TMED3: variants seen among roughly 807,000 people sequenced by gnomAD.
TMED3 encodes the protein transmembrane p24 trafficking protein 3.
Under a neutral mutation model 15.0 loss-of-function variants are expected in TMED3, and 9 were observed. The ratio of observed to expected loss-of-function variants is 0.60; its 90% CI spans 0.36 to 1.04. The LOEUF (loss-of-function observed/expected upper bound fraction) is 1.04. TMED3 is among the 50% of genes least tolerant of loss of function. The pLI is 0.01. For missense variants in TMED3, 267 were observed against 278.9 expected (o/e 0.96, Z 0.30); for synonymous variants, 117 against 121.4 (o/e 0.96, Z 0.24).
chr15:79,337,562 A>T (rs1262672553), intron 2 of TMED3, among the ~76,000 whole-genome samples: 2 of 152,228 alleles, frequency 1.3e-5, no homozygotes, highest in Non-Finnish European at 2.9e-5. Context: ...AAAAAATTAA[A>T]TTATATTCTA....
intron 2 of TMED3, among the ~76,000 whole-genome samples, chr15:79,361,343 A>G (rs1451650370): frequency 6.6e-6 from 1 of 152,250 alleles, no homozygotes; most frequent in Non-Finnish European, 1.5e-5. Flanking sequence ...AACTCAGGTA[A>G]AAGAATTTTA....
At chr15:79,364,649 T>A (rs916798872) in intron 2 of TMED3, among the ~76,000 whole-genome samples, 1 of 151,602 alleles carries the variant, frequency 6.6e-6, no homozygotes, top group South Asian at 2.1e-4. Flanking sequence ...AACACGCAGA[T>A]GAATGGTGGA....
At chr15:79,396,837 A>G (rs1893768898) in intron 2 of TMED3, among the ~76,000 whole-genome samples, 1 of 152,254 alleles carries the variant, frequency 6.6e-6, no homozygotes, top group East Asian at 1.9e-4. Flanking sequence ...TTTATTCTTA[A>G]CTTTTAAATT....
chr15:79,378,357 A>C (rs1297218385), intron 2 of TMED3, among the ~76,000 whole-genome samples: 2 of 152,220 alleles, frequency 1.3e-5, no homozygotes, highest in African/African-American at 4.8e-5. Flanking sequence ...CCCATTTTCC[A>C]GTCTTAGGTG....
chr15:79,325,196 AT>A (rs2058783071), downstream of TMED3, among the ~76,000 whole-genome samples: 1 of 152,200 alleles, frequency 6.6e-6, no homozygotes, highest in Non-Finnish European at 1.5e-5. Flanking sequence ...GGCTTGCTCC[AT>A]ACCATAGATT....
intron 2 of TMED3, among the ~76,000 whole-genome samples, chr15:79,381,228 T>C (rs1003140683): frequency 6.6e-6 from 1 of 152,104 alleles, no homozygotes; most frequent in African/African-American, 2.4e-5. Flanking sequence ...CCTCTAGTTG[T>C]TGGTGGGCTC....
chr15:79,410,002 G>C (rs1893952269), intron 2 of TMED3, among the ~76,000 whole-genome samples: 3 of 151,990 alleles, frequency 2.0e-5, no homozygotes. Flanking sequence ...TTAGATAAGA[G>C]GTATACTAGA....
chr15:79,411,606 C>G, exon 3 of TMED3: 2 of 661,120 alleles, frequency 3.0e-6, no homozygotes, highest in South Asian at 3.2e-5. Flanking sequence ...TGCACTGGGA[C>G]TAGCTCCTGG....
intron 2 of TMED3, among the ~76,000 whole-genome samples, chr15:79,315,489 A>G (rs1596048881): frequency 6.6e-6 from 1 of 152,174 alleles, no homozygotes; most frequent in African/African-American, 2.4e-5. Flanking sequence ...CACTGTTGAG[A>G]CAGCCTCTAT....
chr15:79,372,992 T>C (rs566906488), intron 2 of TMED3, among the ~76,000 whole-genome samples: 85 of 152,338 alleles, frequency 5.6e-4, no homozygotes, highest in African/African-American at 1.9e-3. Flanking sequence ...TTTTGATTTA[T>C]CTGTATGGGA....
intron 2 of TMED3, among the ~76,000 whole-genome samples, chr15:79,363,523 T>C (rs1222052834): frequency 1.1e-5 from 1 of 92,264 alleles, no homozygotes; most frequent in African/African-American, 3.4e-5. Context: ...AAAAAAAAAA[T>C]CTCCAAGTGA....
At chr15:79,311,500 C>A in intron 1 of TMED3, 83 bp downstream of exon 1, 2 of 1,463,954 alleles carry the variant, frequency 1.4e-6, no homozygotes, top group Non-Finnish European at 1.8e-6. Flanking sequence ...TGACTGGAGG[C>A]GCTCGAATTA....
At chr15:79,361,872 G>T (rs75830635) in intron 2 of TMED3, among the ~76,000 whole-genome samples, 5,550 of 152,082 alleles carry the variant, frequency 0.036, 145 homozygotes, top group Admixed American at 0.084. Flanking sequence ...TAAAATAAAT[G>T]TAGAAAATTA....
At chr15:79,398,451 C>T (rs998655894) in intron 2 of TMED3, among the ~76,000 whole-genome samples, 10 of 152,096 alleles carry the variant, frequency 6.6e-5, no homozygotes, top group African/African-American at 2.4e-4. Context: ...CTGCTGCCTA[C>T]AAGTTGGAGA....
chr15:79,321,924 AT>A, intron 2 of TMED3, 53 bp from the exon 3 acceptor site: 1 of 1,583,498 alleles, frequency 6.3e-7, no homozygotes, highest in Non-Finnish European at 8.6e-7. Flanking sequence ...TGTTTGCTGG[AT>A]CCCACATTTG....
At chr15:79,380,371 G>GTTATACACATATATATATAGAGAGAC (rs1893501353) in intron 2 of TMED3, among the ~76,000 whole-genome samples, 1 of 148,442 alleles carries the variant, frequency 6.7e-6, no homozygotes. Context: ...TATAGAGAGA[G>GTTATACACATATATATATAGAGAGAC]TTATACACAT....
chr15:79,355,482 C>T (rs971368644), intron 2 of TMED3, among the ~76,000 whole-genome samples: 6 of 152,270 alleles, frequency 3.9e-5, no homozygotes, highest in Non-Finnish European at 5.9e-5. Flanking sequence ...AAGAAGACTT[C>T]CAGAGTCTCA....
chr15:79,411,031 A>C (rs1342071897), intron 2 of TMED3, among the ~76,000 whole-genome samples: 1 of 152,242 alleles, frequency 6.6e-6, no homozygotes, highest in Non-Finnish European at 1.5e-5. Flanking sequence ...CATAATTAGC[A>C]ATAGCAAAGA....
At chr15:79,374,639 C>T (rs2010459) in intron 2 of TMED3, among the ~76,000 whole-genome samples, 2 of 152,082 alleles carry the variant, frequency 1.3e-5, no homozygotes. Flanking sequence ...TACATTCTCT[C>T]CCATCCCCAA....
Sources: allele counts gnomAD v4.1 joint callset (sites outside exome capture counted in the v4.1 genomes callset), GRCh38; gene constraint gnomAD v4.1.1; transcripts MANE v1.5; gene names NCBI Gene and HGNC (gene_info 2026-07-23, HGNC 2026-07-21).